The following IBTK variants were observed in gnomAD, a reference collection of about 807,000 sequenced individuals.
The protein encoded by IBTK is BTK-binding protein.
Under a neutral mutation model 154.9 loss-of-function variants are expected in IBTK, and 83 were observed. The observed-to-expected ratio is 0.54, with a 90% confidence interval of 0.45 to 0.64. The LOEUF is 0.64. IBTK is among the 30% of genes least tolerant of loss of function. IBTK has a pLI of 0.00. For synonymous variants in IBTK, 515 were observed against 536.1 expected (o/e 0.96, Z 0.54); for missense variants, 1,332 against 1,584.6 (o/e 0.84, Z 2.71).
At chr6:82,231,578 A>C in intron 4 of IBTK, 140 bp downstream of exon 4, 1 of 554,472 alleles carries the variant, frequency 1.8e-6, no homozygotes, top group Non-Finnish European at 3.0e-6. Context: ...TAAAATTAGC[A>C]AAGTTCTATT....
chr6:82,184,634 CCTAA>C (rs1296192035), intron 25 of IBTK, among the ~76,000 whole-genome samples: 2 of 152,158 alleles, frequency 1.3e-5, no homozygotes, highest in African/African-American at 4.8e-5. Flanking sequence ...CATTGCCACA[CCTAA>C]CTGTCAGCAG....
At chr6:82,186,297 CT>C (rs1269989226) in intron 25 of IBTK, among the ~76,000 whole-genome samples, 2 of 152,258 alleles carry the variant, frequency 1.3e-5, no homozygotes, top group Non-Finnish European at 2.9e-5. Flanking sequence ...ATGTCTCTCA[CT>C]TTAAATCAAA....
In IBTK at chr6:82,214,725, T is replaced by G; in HGVS notation, c.1706A>C (p.Gln569Pro). The stretch of plus-strand genomic sequence containing the variant: ...TGCAGGGAAGAGTCTATTGCCAACT[T>G]GAAATGTCACATCATGAATGCTGTC... ...EMDSIHDVTF[Q>P]VGNRLFPAHK... Residue 569 changes from glutamine (Q) to proline (P), a missense_variant, in exon 12 of 29, where the codon CAA becomes CCA. Coordinates refer to ENST00000306270, the MANE Select transcript of IBTK (RefSeq NM_015525.4). 2 of 1,614,120 alleles carry G rather than the reference T, an allele frequency of 1.2e-6. No individual in the cohort carries two copies. Among genetic ancestry groups the G allele is most frequent in the Non-Finnish European group, 1.7e-6 (2 of 1,179,996 alleles).
chr6:82,247,443 TC>T, intron 1 of IBTK, 118 bp downstream of exon 1: 1 of 394,196 alleles, frequency 2.5e-6, no homozygotes, highest in Non-Finnish European at 4.5e-6. Flanking sequence ...CTCCCCACGG[TC>T]CCCCCGCGCC....
At chr6:82,210,555 G>A (rs1354797189) in intron 16 of IBTK, 1 of 166,828 alleles carries the variant, frequency 6.0e-6, no homozygotes, top group Non-Finnish European at 1.3e-5. Flanking sequence ...GCCAGGCATA[G>A]TGGCTCACGC....
chr6:82,198,636 A>T (rs550366472), intron 21 of IBTK, among the ~76,000 whole-genome samples: 1 of 152,104 alleles, frequency 6.6e-6, no homozygotes, highest in South Asian at 2.1e-4. Context: ...GTACTCTTCT[A>T]TTTTTCAAAG....
chr6:82,173,590 A>G (rs978358434), intron 26 of IBTK, 152 bp from the exon 27 acceptor site: 6 of 490,430 alleles, frequency 1.2e-5, no homozygotes, highest in African/African-American at 2.0e-5. Context: ...TTATAAGTAA[A>G]CAAAATAATC....
At position 82,202,607 on chromosome 6, in the gene IBTK, C is replaced by T. The variant is rs759715991; in HGVS notation, c.2650G>A (p.Ala884Thr). ...KNAAMLLEFA[A>T]MYSAKQLKLS... Reference sequence around the variant, plus strand: ...TTCAACTGTTTTGCACTATACATTGCTGCAAATTCCAGTAGCATAGCAGCA... The same window carrying T: ...TTCAACTGTTTTGCACTATACATTGTTGCAAATTCCAGTAGCATAGCAGCA... Residue 884 changes from alanine (A) to threonine (T), a missense_variant, in exon 18 of 29, where the codon GCA (alanine) becomes ACA (threonine). Coordinates refer to ENST00000306270, the MANE Select transcript of IBTK (RefSeq NM_015525.4). 1 of 1,607,352 alleles carries T rather than the reference C, an allele frequency of 6.2e-7. No homozygotes were observed. Among genetic ancestry groups the T allele is most frequent in the Non-Finnish European group, 8.5e-7 (1 of 1,177,102 alleles).
chr6:82,233,562 T>G (rs1770597160), intron 3 of IBTK, among the ~76,000 whole-genome samples: 1 of 152,096 alleles, frequency 6.6e-6, no homozygotes, highest in African/African-American at 2.4e-5. Flanking sequence ...TTGTTCTGAA[T>G]ATGAAACAAA....
chr6:82,223,375 CAG>C (rs1770168153), intron 8 of IBTK, 63 bp downstream of exon 8: 2 of 1,298,284 alleles, frequency 1.5e-6, no homozygotes, highest in South Asian at 3.1e-5. Context: ...AGCTAACACT[CAG>C]ATATTTGCTG....
intron 10 of IBTK, among the ~76,000 whole-genome samples, chr6:82,217,062 G>A (rs1769900811): frequency 6.6e-6 from 1 of 152,130 alleles, no homozygotes; most frequent in Non-Finnish European, 1.5e-5. Flanking sequence ...GGAAAAAAGT[G>A]GAAAGATATA....
At chr6:82,247,212 A>G (rs1771186550) in intron 1 of IBTK, among the ~76,000 whole-genome samples, 1 of 152,258 alleles carries the variant, frequency 6.6e-6, no homozygotes, top group South Asian at 2.1e-4. Flanking sequence ...GAGCGCCCAC[A>G]GGAATGGCTT....
chr6:82,173,194 G>T, intron 27 of IBTK, 173 bp downstream of exon 27: 1 of 440,634 alleles, frequency 2.3e-6, no homozygotes, highest in South Asian at 5.3e-5. Context: ...TAAAGACAGG[G>T]TTTTGCCATG....
In IBTK at chr6:82,210,929, A is replaced by G; in HGVS notation, c.2413-19T>C. On this transcript the variant is annotated intron_variant, in intron 15 of 28. Transcript: ENST00000306270. ...TGGAAGCCTAAATAAAATAAGACAAAATAAAGTAAAATAATTCATTCTAAA... is the reference window on the plus strand; with the variant it reads ...TGGAAGCCTAAATAAAATAAGACAAGATAAAGTAAAATAATTCATTCTAAA... 7.5e-7 allele frequency: 1 copy of G among 1,328,716 alleles called. No individual in the cohort carries two copies. Among genetic ancestry groups the G allele is most frequent in the Non-Finnish European group, 1.0e-6 (1 of 959,748 alleles). 82.3% of individuals were successfully genotyped at this position (1,328,716 alleles called of 1,614,324 possible). A position where few individuals can be genotyped will look rare whatever the true frequency, so the allele number is the denominator to read the frequency against.
chr6:82,198,470 C>G (rs372679791), intron 21 of IBTK, among the ~76,000 whole-genome samples: 45 of 151,954 alleles, frequency 3.0e-4, no homozygotes, highest in African/African-American at 1.1e-3. Context: ...CTTTTTTTAT[C>G]TTTATGTTAT....
Position 82,224,183 on chromosome 6 carries a change from T to C in IBTK, c.828A>G (p.Ile276Met), listed in dbSNP as rs368633639. ...TCCTTCCTTTCAGATATTTTGCCTG[T>C]ATCTATTTAAAGACAAATAAAACTG... ...PPSSCNVPRQ[I>M]QAKYLKGRTI... The change falls in exon 7 of 29, where the codon ATA becomes ATG. Residue 276 changes from isoleucine to methionine, a missense_variant and splice_region_variant. Coordinates refer to ENST00000306270, the MANE Select transcript of IBTK (RefSeq NM_015525.4). 1 of 1,610,952 alleles carries C rather than the reference T, an allele frequency of 6.2e-7. No homozygotes were observed. The highest frequency in any genetic ancestry group is 8.5e-7 in the Non-Finnish European group (1 of 1,177,246).
chr6:82,227,996 G>C (rs1025402504), intron 4 of IBTK, among the ~76,000 whole-genome samples: 6 of 151,770 alleles, frequency 4.0e-5, no homozygotes, highest in African/African-American at 1.5e-4. Context: ...TGAAACAGTT[G>C]AACTGCCTCA....
intron 2 of IBTK, among the ~76,000 whole-genome samples, chr6:82,235,581 T>C (rs7749990): frequency 0.24 from 36,209 of 151,606 alleles, 4,375 homozygotes; most frequent in African/African-American, 0.28. Context: ...GCAACAAGAG[T>C]GAAACTCCGT....
In IBTK at chr6:82,172,471, G is replaced by T. The variant is rs1256815103; in HGVS notation, c.3839C>A (p.Ala1280Asp). Reference sequence around the variant, plus strand: ...TACAATAGATGCAAAAGTGACTGGGGCTACCATGGATGGAGCAGTCACTGA... The same window carrying T: ...TACAATAGATGCAAAAGTGACTGGGTCTACCATGGATGGAGCAGTCACTGA... ...SSSVTAPSMV[A>D]PVTFASIVEE... The change falls in exon 28 of 29, where the codon GCC becomes GAC. Residue 1280 changes from alanine (A) to aspartate (D), a missense_variant. This residue lies in a region of IBTK where 1,134 missense variants were observed against 1,274.7 expected (regional missense o/e 0.89). Coordinates refer to ENST00000306270, the MANE Select transcript of IBTK (RefSeq NM_015525.4). 1.9e-6 allele frequency: 3 copies of T among 1,613,554 alleles called. No homozygotes were observed.
Sources: allele counts gnomAD v4.1 joint callset (sites outside exome capture counted in the v4.1 genomes callset), GRCh38; gene constraint gnomAD v4.1.1; regional missense constraint gnomAD v4.1.1; transcripts MANE v1.5; gene names NCBI Gene and HGNC (gene_info 2026-07-23, HGNC 2026-07-21).